Variants in ZPBP observed in about 807,000 individuals in gnomAD.
The protein encoded by ZPBP is zona pellucida binding protein, also known as zona pellucida-binding protein 1.
ZPBP carries 26 observed loss-of-function variants against 44.8 expected under a neutral mutation model. That is an observed-to-expected ratio of 0.58 (90% confidence interval 0.43 to 0.81). ZPBP has a LOEUF of 0.81. Ranked by LOEUF, ZPBP falls within the 30% of genes least tolerant of loss-of-function variation. The pLI, the probability that ZPBP is intolerant of heterozygous loss-of-function variation, is 0.00. For synonymous variants in ZPBP, 174 were observed against 153.2 expected (o/e 1.14, Z -1.00); for missense variants, 409 against 434.0 (o/e 0.94, Z 0.51).
chr7:49,959,355 A>G (rs1795752042), intron 7 of ZPBP, among the ~76,000 whole-genome samples: 1 of 151,676 alleles, frequency 6.6e-6, no homozygotes, highest in African/African-American at 2.4e-5. Context: ...CAAAATAATT[A>G]TTATATCTAA....
intron 6 of ZPBP, among the ~76,000 whole-genome samples, chr7:50,004,003 T>A (rs1798200149): frequency 6.6e-6 from 1 of 152,042 alleles, no homozygotes; most frequent in Non-Finnish European, 1.5e-5. Flanking sequence ...AAAATTAGAA[T>A]AATAATAATA....
At chr7:49,865,965 G>A (rs568817011) in intron 2 of ZPBP, among the ~76,000 whole-genome samples, 1 of 152,132 alleles carries the variant, frequency 6.6e-6, no homozygotes, top group South Asian at 2.1e-4. Flanking sequence ...ATCTTAAATT[G>A]CTTAGGTTTT....
At chr7:49,943,270 C>T (rs910164066) in intron 7 of ZPBP, 1 of 288,496 alleles carries the variant, frequency 3.5e-6, no homozygotes, top group African/African-American at 2.2e-5. Flanking sequence ...ATGCAGTCTT[C>T]AGGGGTCTTA....
At chr7:49,885,544 C>G (rs1198345792) in intron 2 of ZPBP, among the ~76,000 whole-genome samples, 2 of 152,190 alleles carry the variant, frequency 1.3e-5, no homozygotes, top group East Asian at 3.9e-4. Context: ...TAACGTTTTT[C>G]AGTTACAAGA....
chr7:50,036,543 T>C (rs1192346438), intron 4 of ZPBP, among the ~76,000 whole-genome samples: 3 of 152,174 alleles, frequency 2.0e-5, no homozygotes, highest in Non-Finnish European at 4.4e-5. Context: ...AACATTGTAA[T>C]ATGTAAACCA....
chr7:49,852,741 G>A (rs566618243), intron 2 of ZPBP, among the ~76,000 whole-genome samples: 4 of 152,214 alleles, frequency 2.6e-5, no homozygotes, highest in Admixed American at 6.5e-5. Flanking sequence ...TTAAGTGATC[G>A]TCTTAATCAA....
At chr7:49,968,204 A>G (rs1444248226) in intron 7 of ZPBP, among the ~76,000 whole-genome samples, 1 of 152,050 alleles carries the variant, frequency 6.6e-6, no homozygotes, top group Non-Finnish European at 1.5e-5. Context: ...CAAATTCAGT[A>G]ATGTGTGTGA....
intron 2 of ZPBP, among the ~76,000 whole-genome samples, chr7:49,874,310 T>C (rs181015608): frequency 6.6e-6 from 1 of 152,224 alleles, no homozygotes; most frequent in South Asian, 2.1e-4. Flanking sequence ...GTTAGATATG[T>C]TTAGATACAC....
At chr7:50,018,401 T>C in intron 5 of ZPBP, 85 bp from the exon 6 acceptor site, 3 of 1,081,032 alleles carry the variant, frequency 2.8e-6, no homozygotes, top group Non-Finnish European at 4.1e-6. Flanking sequence ...GAAAGGATAT[T>C]CTAACATTTC....
intron 1 of ZPBP, among the ~76,000 whole-genome samples, chr7:49,911,353 G>T (rs372831329): frequency 1.3e-5 from 2 of 151,540 alleles, no homozygotes; most frequent in Non-Finnish European, 2.9e-5. Flanking sequence ...GTGGTGGCAC[G>T]CCCCTATAGT....
intron 6 of ZPBP, among the ~76,000 whole-genome samples, chr7:50,001,025 A>T (rs774964365): frequency 3.3e-5 from 5 of 152,182 alleles, no homozygotes; most frequent in Non-Finnish European, 5.9e-5. Context: ...CCATGTGAAG[A>T]CATGGCCATC....
intron 4 of ZPBP, among the ~76,000 whole-genome samples, chr7:50,038,593 C>A (rs1457399051): frequency 6.6e-6 from 1 of 152,154 alleles, no homozygotes; most frequent in East Asian, 1.9e-4. Flanking sequence ...TGTGGGTACA[C>A]CCAAGCTGCA....
the ZPBP span, among the ~76,000 whole-genome samples, chr7:49,842,169 A>G: frequency 6.6e-6 from 1 of 152,154 alleles, no homozygotes; most frequent in Non-Finnish European, 1.5e-5. Flanking sequence ...CGCCTGGCCA[A>G]TTCAACTCTT....
At chr7:50,013,108 A>G (rs1286157523) in intron 6 of ZPBP, among the ~76,000 whole-genome samples, 1 of 151,990 alleles carries the variant, frequency 6.6e-6, no homozygotes, top group Non-Finnish European at 1.5e-5. Flanking sequence ...ATGCAAAAAG[A>G]AGATAATTTT....
chr7:49,889,432 G>A (rs1012664623), intron 2 of ZPBP, among the ~76,000 whole-genome samples: 9 of 152,250 alleles, frequency 5.9e-5, no homozygotes, highest in South Asian at 4.1e-4. Context: ...TGCCTCAAAT[G>A]TGGGGAAGTA....
downstream of ZPBP, among the ~76,000 whole-genome samples, chr7:49,935,020 A>C (rs1189419342): frequency 1.3e-5 from 2 of 152,224 alleles, no homozygotes; most frequent in African/African-American, 4.8e-5. Context: ...CTTTATGACA[A>C]TAATCTCTCA....
chr7:49,851,355 G>A (rs549739982), intron 2 of ZPBP, among the ~76,000 whole-genome samples: 1 of 152,316 alleles, frequency 6.6e-6, no homozygotes, highest in Non-Finnish European at 1.5e-5. Flanking sequence ...TCAGTGGACA[G>A]ACATTCTGGG....
intron 1 of ZPBP, among the ~76,000 whole-genome samples, chr7:49,922,132 T>C (rs567992979): frequency 6.6e-6 from 1 of 152,312 alleles, no homozygotes; most frequent in Admixed American, 6.5e-5. Flanking sequence ...GTAACTTTTA[T>C]TTCTCTTATT....
At chr7:49,843,835 G>A in the ZPBP span, among the ~76,000 whole-genome samples, 9 of 152,328 alleles carry the variant, frequency 5.9e-5, no homozygotes, top group East Asian at 5.8e-4. Context: ...CTTAGAAAAC[G>A]CAATCTGTCA....
Sources: allele counts gnomAD v4.1 joint callset (sites outside exome capture counted in the v4.1 genomes callset), GRCh38; gene constraint gnomAD v4.1.1; transcripts MANE v1.5; gene names NCBI Gene and HGNC (gene_info 2026-07-23, HGNC 2026-07-21).